MYL6B: variants seen among roughly 807,000 people sequenced by gnomAD.
MYL6B encodes the protein myosin alkali light chain 1 slow a.
A neutral mutation model predicts 24.5 loss-of-function variants in MYL6B; 19 were observed. That is an observed-to-expected ratio of 0.78 (90% confidence interval 0.54 to 1.14). MYL6B has a LOEUF of 1.14. Ranked by LOEUF, MYL6B falls within the 50% of genes most tolerant of loss-of-function variation. The pLI is 0.00. For synonymous variants in MYL6B, 90 were observed against 100.7 expected, an observed-to-expected ratio of 0.89 and a Z score of 0.64; for missense variants, 230 against 263.8, an observed-to-expected ratio of 0.87 and a Z score of 0.89.
chr12:56,155,826 T>C, intron 5 of MYL6B: 1 of 1,431,806 alleles, frequency 7.0e-7, no homozygotes, highest in East Asian at 2.7e-5. Context: ...AACCTGAATT[T>C]TCATTTTGGA....
At chr12:56,157,153 G>A (rs1871352174) in intron 5 of MYL6B, 1 of 278,522 alleles carries the variant, frequency 3.6e-6, no homozygotes, top group African/African-American at 2.2e-5. Flanking sequence ...CTAGCACTTT[G>A]GGAGGCCGAG....
chr12:56,154,003 G>T (rs767225371), exon 2 of MYL6B: 4 of 1,614,114 alleles, frequency 2.5e-6, no homozygotes, highest in Non-Finnish European at 1.7e-6. Context: ...AGCAGCAGGG[G>T]CTCCTCCAGC....
Position 56,154,177 on chromosome 12 carries a change from G to A in MYL6B, c.174+85G>A, listed in dbSNP as rs185863516. The A allele has an allele frequency of 5.5e-4, 754 of 1,370,430 alleles. 5 individuals are homozygous for A. In the Admixed American group the frequency reaches 9.8e-3, roughly 18 times the overall value. The allele number at this position is 1,370,430 out of a possible 1,614,324, so 84.9% of individuals were successfully genotyped here. On this transcript the variant is annotated intron_variant, in intron 2 of 6. Transcript: ENST00000553066. ...CTAGGGGATTAGGGGGTATCTAGAAGGTAGGGAATCAGTGAGCCCTGGAAT... is the reference window on the plus strand; with the variant it reads ...CTAGGGGATTAGGGGGTATCTAGAAAGTAGGGAATCAGTGAGCCCTGGAAT...
intron 3 of MYL6B, 57 bp from the exon 4 acceptor site, chr12:56,154,998 T>C: frequency 6.4e-7 from 1 of 1,569,970 alleles, no homozygotes; most frequent in Non-Finnish European, 8.6e-7. Context: ...TTCCCTTCTG[T>C]CTGGGGGTGA....
At chr12:56,154,158 G>A (rs1436122682) in intron 2 of MYL6B, 66 bp downstream of exon 2, 11 of 1,468,512 alleles carry the variant, frequency 7.5e-6, no homozygotes, top group Admixed American at 2.3e-5. Flanking sequence ...CAGCCTAGGG[G>A]ATTAGGGGGT....
exon 5 of MYL6B, chr12:56,155,524 G>C (rs778320072): frequency 6.2e-7 from 1 of 1,613,960 alleles, no homozygotes; most frequent in Non-Finnish European, 8.5e-7. Context: ...GAGGGGTTTC[G>C]TGTGTTTGAC....
chr12:56,157,065 A>C (rs1042618739), intron 5 of MYL6B: 6 of 155,042 alleles, frequency 3.9e-5, no homozygotes, highest in Admixed American at 3.8e-4. Context: ...AAAAAAAAAA[A>C]TTACAATTGT....
Position 56,153,870 on chromosome 12 carries a change from C to T in MYL6B, c.-46-3C>T. 6.5e-7 allele frequency: 1 copy of T among 1,528,300 alleles called. No individual in the cohort carries two copies. The highest frequency in any genetic ancestry group is 8.8e-7 in the Non-Finnish European group (1 of 1,133,180). The allele number at this position is 1,528,300 out of a possible 1,614,324, so 94.7% of individuals were successfully genotyped here. Reference sequence around the variant, plus strand: ...ATCCCAGACTCCCTGGCTATTTAAACAGAGATGGGTGCCCCCATCCGCACA... The same window carrying T: ...ATCCCAGACTCCCTGGCTATTTAAATAGAGATGGGTGCCCCCATCCGCACA... On this transcript the variant is annotated splice_polypyrimidine_tract_variant and splice_region_variant and intron_variant, in intron 1 of 6. Coordinates refer to ENST00000553066, the Ensembl canonical transcript of MYL6B.
chr12:56,155,239 A>T, intron 4 of MYL6B, 41 bp downstream of exon 4: 1 of 1,564,650 alleles, frequency 6.4e-7, no homozygotes, highest in Non-Finnish European at 8.6e-7. Context: ...TTTAGTTTTC[A>T]AAAGTTGGAT....
intron 1 of MYL6B, 149 bp from the exon 2 acceptor site, chr12:56,153,724 C>T: frequency 1.8e-6 from 1 of 558,668 alleles, no homozygotes; most frequent in East Asian, 3.1e-5. Flanking sequence ...GGAAGAAGAC[C>T]TTGGGGCAGG....
intron 6 of MYL6B, 43 bp from the exon 7 acceptor site, chr12:56,157,655 A>C: frequency 6.2e-7 from 1 of 1,613,388 alleles, no homozygotes; most frequent in Non-Finnish European, 8.5e-7. Flanking sequence ...TGTATTATCC[A>C]AAGGCCTGCT....
At chr12:56,156,106 G>A in intron 5 of MYL6B, 1 of 842,338 alleles carries the variant, frequency 1.2e-6, no homozygotes, top group Non-Finnish European at 1.5e-6. Context: ...GGGAGTTCGA[G>A]ACCGGCCTGG....
intron 5 of MYL6B, among the ~76,000 whole-genome samples, chr12:56,156,588 G>C (rs1365716370): frequency 6.6e-6 from 1 of 151,978 alleles, no homozygotes; most frequent in African/African-American, 2.4e-5. Flanking sequence ...CTGGGTGATA[G>C]AGCAAGACTC....
At chr12:56,153,881 GC>G in exon 2 of MYL6B, 11 of 1,552,854 alleles carry the variant, frequency 7.1e-6, no homozygotes, top group Non-Finnish European at 9.6e-6. Flanking sequence ...AGAGATGGGT[GC>G]CCCCATCCGC....
intron 5 of MYL6B, chr12:56,156,013 G>C: frequency 8.8e-7 from 1 of 1,139,108 alleles, no homozygotes; most frequent in Non-Finnish European, 1.1e-6. Flanking sequence ...CCACTCTAAA[G>C]AGCGTGGCCT....
At position 56,153,834 on chromosome 12, in the gene MYL6B, C is replaced by A. The variant is rs768888260; in HGVS notation, c.-46-39C>A. 145 of 1,416,290 alleles carry A rather than the reference C, an allele frequency of 1.0e-4. No homozygotes were observed. Among genetic ancestry groups the A allele is most frequent in the Non-Finnish European group, 1.3e-4 (138 of 1,048,022 alleles). The allele number at this position is 1,416,290 out of a possible 1,614,324, so 87.7% of individuals were successfully genotyped here. On this transcript the variant is annotated intron_variant, in intron 1 of 6. Coordinates refer to ENST00000553066, the Ensembl canonical transcript of MYL6B. ...CCAACTGGCTCCCTGCCCCTGCCCC[C>A]GCCCCTTGACATCCCAGACTCCCTG... is the stretch of plus-strand genomic sequence containing the variant.
intron 5 of MYL6B, chr12:56,157,185 A>C: frequency 2.6e-6 from 1 of 391,306 alleles, no homozygotes. Context: ...ACCTGAGGTC[A>C]AGAGTTTGAG....
intron 1 of MYL6B, among the ~76,000 whole-genome samples, chr12:56,153,012 T>G (rs1871165736): frequency 6.6e-6 from 1 of 152,020 alleles, no homozygotes; most frequent in Non-Finnish European, 1.5e-5. Context: ...TGAATACTCA[T>G]GGAGCCATAG....
At chr12:56,157,621 A>G (rs1188138666) in intron 6 of MYL6B, 76 bp downstream of exon 6, 3 of 1,612,756 alleles carry the variant, frequency 1.9e-6, no homozygotes, top group African/African-American at 1.3e-5. Context: ...GGGCGGGGGC[A>G]CCCCTGGATT....
Sources: gnomAD v4.1 joint callset for allele counts (sites outside exome capture counted in the v4.1 genomes callset) on GRCh38, gnomAD v4.1.1 for gene constraint, MANE v1.5 for transcripts, NCBI Gene and HGNC (gene_info 2026-07-23, HGNC 2026-07-21) for gene names.